The following CFAP54 variants were observed in gnomAD, a reference collection of about 807,000 sequenced individuals.
CFAP54 encodes the protein cilia and flagella associated protein 54.
CFAP54 carries 290 observed loss-of-function variants against 370.4 expected under a neutral mutation model. That is an observed-to-expected ratio of 0.78 (90% CI 0.71 to 0.86). The LOEUF (loss-of-function observed/expected upper bound fraction) is 0.86, where lower values mean the gene tolerates loss of function less well. Among genes scored for constraint, CFAP54 ranks in the 40% least tolerant of loss-of-function variants. The pLI is 0.00. For missense variants in CFAP54, 3,399 were observed against 3,528.7 expected, an observed-to-expected ratio of 0.96 and a Z score of 0.93; for synonymous variants, 1,206 against 1,236.5, an observed-to-expected ratio of 0.98 and a Z score of 0.52.
At chr12:96,774,396 T>C (rs764757584) in intron 60 of CFAP54, among the ~76,000 whole-genome samples, 7 of 152,196 alleles carry the variant, frequency 4.6e-5, no homozygotes, top group Non-Finnish European at 5.9e-5. Flanking sequence ...AAATAACTTA[T>C]AGAAATCTAT....
chr12:96,597,528 T>C (rs1032120086), intron 25 of CFAP54, among the ~76,000 whole-genome samples: 2 of 152,008 alleles, frequency 1.3e-5, no homozygotes, highest in East Asian at 3.9e-4. Flanking sequence ...ACCCCCAGAT[T>C]GTACAACCAT....
intron 39 of CFAP54, among the ~76,000 whole-genome samples, chr12:96,676,965 A>T (rs928704135): frequency 7.2e-5 from 11 of 151,830 alleles, no homozygotes; most frequent in Admixed American, 7.2e-4. Flanking sequence ...TCCTGATCTC[A>T]GACTTCTAGC....
chr12:96,782,494 C>T lies in CFAP54; in HGVS notation c.8282-2223C>T, dbSNP rs531224112. On this transcript the variant is annotated intron_variant, in intron 60 of 67. Coordinates refer to ENST00000524981, the MANE Select transcript of CFAP54 (RefSeq NM_001306084.2). The stretch of plus-strand genomic sequence containing the variant: ...ATTTCTATACATTTTTAACAGAAAA[C>T]GTATTTTAAAAAGATGTTATTACAG... 6.6e-4 allele frequency among the ~76,000 whole-genome samples: 100 copies of T among 152,022 alleles called. No homozygotes were observed. The South Asian group carries it at 7.3e-3, about 11-fold the overall frequency.
intron 45 of CFAP54, among the ~76,000 whole-genome samples, chr12:96,699,405 T>A (rs1957468609): frequency 6.6e-6 from 1 of 152,160 alleles, no homozygotes; most frequent in African/African-American, 2.4e-5. Flanking sequence ...ATTACCTGGG[T>A]GATGAAATAA....
intron 60 of CFAP54, among the ~76,000 whole-genome samples, chr12:96,782,995 A>G (rs1200419171): frequency 6.6e-6 from 1 of 152,206 alleles, no homozygotes; most frequent in African/African-American, 2.4e-5. Context: ...AACAAAAAAT[A>G]TCAGTAAATA....
intron 9 of CFAP54, among the ~76,000 whole-genome samples, chr12:96,532,712 C>A (rs1955453030): frequency 6.6e-6 from 1 of 152,100 alleles, no homozygotes; most frequent in Non-Finnish European, 1.5e-5. Flanking sequence ...CCTGGACCTC[C>A]TGGGCTCTAG....
chr12:96,511,606 C>G (rs1483040432), intron 4 of CFAP54, among the ~76,000 whole-genome samples: 1 of 151,576 alleles, frequency 6.6e-6, no homozygotes, highest in East Asian at 1.9e-4. Context: ...GTGTGAGACA[C>G]CACGCCCGGC....
At chr12:96,868,526 T>C (rs940743000) in intron 67 of CFAP54, among the ~76,000 whole-genome samples, 2 of 152,208 alleles carry the variant, frequency 1.3e-5, no homozygotes, top group Middle Eastern at 3.4e-3. Context: ...ATTCTCGTTT[T>C]CCTTTCCATT....
chr12:96,803,742 T>C (rs1300814010), intron 63 of CFAP54, among the ~76,000 whole-genome samples: 1 of 152,170 alleles, frequency 6.6e-6, no homozygotes, highest in Admixed American at 6.6e-5. Context: ...AAAAAATAAT[T>C]GTCCCCTACA....
chr12:96,744,229 C>A (rs1958085981), intron 55 of CFAP54, 83 bp downstream of exon 55: 2 of 1,221,456 alleles, frequency 1.6e-6, no homozygotes, highest in Admixed American at 2.7e-5. Context: ...CATATGAGTG[C>A]ATTTAAAAGA....
Position 96,489,658 on chromosome 12 carries a change from AC to A in CFAP54, c.51del (p.Ser18ArgfsTer41). 6.5e-7 allele frequency: 1 copy of A among 1,534,290 alleles called. No homozygotes were observed. The highest frequency in any genetic ancestry group is 8.7e-7 in the Non-Finnish European group (1 of 1,145,722). The stretch of plus-strand genomic sequence containing the variant: ...GAGCTCTCCGTCAGACGACTCTACC[AC>A]CTCGGGGTCTCTGCCAGAACTGCCG... ...PSSSPSDDST[T>X]SGSLPELPPT... On this transcript the variant is annotated frameshift_variant, in exon 1 of 68. Transcript: ENST00000524981. LOFTEE classifies it high-confidence loss of function.
At chr12:96,727,275 A>G (rs1416997434) in intron 50 of CFAP54, among the ~76,000 whole-genome samples, 2 of 151,986 alleles carry the variant, frequency 1.3e-5, no homozygotes, top group Non-Finnish European at 1.5e-5. Flanking sequence ...TGACAGTGAG[A>G]TGTTAAAGTC....
intron 60 of CFAP54, among the ~76,000 whole-genome samples, chr12:96,779,795 G>A (rs1390899178): frequency 6.6e-6 from 1 of 151,774 alleles, no homozygotes. Flanking sequence ...CCAGCACAAA[G>A]GGTTGCAAAT....
chr12:96,739,900 A>G, intron 50 of CFAP54, 56 bp from the exon 51 acceptor site: 2 of 1,071,616 alleles, frequency 1.9e-6, no homozygotes, highest in Non-Finnish European at 2.7e-6. Flanking sequence ...AGGAAATAAC[A>G]TACAGATGCC....
At chr12:96,702,789 C>T (rs1957505391) in intron 46 of CFAP54, among the ~76,000 whole-genome samples, 1 of 151,954 alleles carries the variant, frequency 6.6e-6, no homozygotes, top group South Asian at 2.1e-4. Flanking sequence ...AAATAGGTGC[C>T]AATGTTATTA....
intron 42 of CFAP54, among the ~76,000 whole-genome samples, chr12:96,687,874 G>A (rs1389932879): frequency 6.6e-6 from 1 of 152,184 alleles, no homozygotes; most frequent in Admixed American, 6.5e-5. Flanking sequence ...GGGCACCTCC[G>A]CTTCTCTGAG....
intron 32 of CFAP54, among the ~76,000 whole-genome samples, chr12:96,637,474 A>G (rs975855413): frequency 3.9e-5 from 6 of 152,170 alleles, no homozygotes; most frequent in Non-Finnish European, 8.8e-5. Flanking sequence ...CTTACCTCAT[A>G]TAATCTTGGG....
chr12:96,844,536 T>C (rs1430831050), intron 66 of CFAP54, among the ~76,000 whole-genome samples: 6 of 152,188 alleles, frequency 3.9e-5, no homozygotes, highest in South Asian at 4.1e-4. Flanking sequence ...GAGAATAAAT[T>C]CATGTTGTAA....
intron 50 of CFAP54, among the ~76,000 whole-genome samples, chr12:96,737,977 G>A (rs753547814): frequency 6.6e-5 from 10 of 152,252 alleles, no homozygotes; most frequent in East Asian, 1.9e-4. Flanking sequence ...GCCCTGGAAC[G>A]TGTAAATCTG....
Sources: gnomAD v4.1 joint callset for allele counts (sites outside exome capture counted in the v4.1 genomes callset) on GRCh38, gnomAD v4.1.1 for gene constraint, MANE v1.5 for transcripts, NCBI Gene and HGNC (gene_info 2026-07-23, HGNC 2026-07-21) for gene names.